TMTC1: variants seen among roughly 807,000 people sequenced by gnomAD.
The protein encoded by TMTC1 is transmembrane O-mannosyltransferase targeting cadherins 1.
Under a neutral mutation model 104.8 loss-of-function variants are expected in TMTC1, and 73 were observed. That is an observed-to-expected ratio of 0.70 (90% confidence interval 0.58 to 0.85). TMTC1 has a LOEUF of 0.85. Among genes scored for constraint, TMTC1 ranks in the 40% least tolerant of loss-of-function variants. The pLI is 0.00. For synonymous variants in TMTC1, 434 were observed against 428.7 expected, an observed-to-expected ratio of 1.01 and a Z score of -0.15; for missense variants, 1,035 against 1,096.1, an observed-to-expected ratio of 0.94 and a Z score of 0.79.
At chr12:29,743,418 C>T (rs548776449) in intron 5 of TMTC1, among the ~76,000 whole-genome samples, 1 of 152,076 alleles carries the variant, frequency 6.6e-6, no homozygotes, top group Non-Finnish European at 1.5e-5. Flanking sequence ...AATCATCATG[C>T]TTGCTTCTGA....
chr12:29,515,111 G>A (rs953241184), intron 15 of TMTC1, among the ~76,000 whole-genome samples: 3 of 152,076 alleles, frequency 2.0e-5, no homozygotes, highest in Non-Finnish European at 2.9e-5. Context: ...CCCACGTATC[G>A]ATGAGTGGCA....
chr12:29,549,148 A>T lies in TMTC1; in HGVS notation c.1676+7709T>A, dbSNP rs551754365. On this transcript the variant is annotated intron_variant, in intron 10 of 17. Coordinates refer to ENST00000539277, the MANE Select transcript of TMTC1 (RefSeq NM_001193451.2). ...TAATAACCCATACCTGTAAACAAAC[A>T]AGTATCCACCCACAGTAAATGGATA... is the stretch of plus-strand genomic sequence containing the variant. Among the ~76,000 whole-genome samples the T allele has an allele frequency of 4.6e-5, 7 of 151,104 alleles. No individual in the cohort carries two copies. In the East Asian group the frequency reaches 1.4e-3, roughly 29 times the overall value.
At chr12:29,717,587 T>C (rs1942120333) in intron 5 of TMTC1, among the ~76,000 whole-genome samples, 1 of 152,212 alleles carries the variant, frequency 6.6e-6, no homozygotes, top group African/African-American at 2.4e-5. Flanking sequence ...AACTAATCAT[T>C]AGCTTAACAA....
At chr12:29,523,480 G>C (rs941185387) in intron 11 of TMTC1, among the ~76,000 whole-genome samples, 2 of 152,180 alleles carry the variant, frequency 1.3e-5, no homozygotes, top group African/African-American at 4.8e-5. Context: ...GTCTGTTTAT[G>C]CATCCAGTTA....
At chr12:29,687,548 C>A (rs534887689) in intron 5 of TMTC1, among the ~76,000 whole-genome samples, 1 of 148,580 alleles carries the variant, frequency 6.7e-6, no homozygotes, top group African/African-American at 2.4e-5. Context: ...ATTAAAACAA[C>A]GGACACAGTC....
At chr12:29,538,171 C>T (rs1944696343) in intron 10 of TMTC1, among the ~76,000 whole-genome samples, 1 of 152,134 alleles carries the variant, frequency 6.6e-6, no homozygotes, top group South Asian at 2.1e-4. Flanking sequence ...TGTATTACAG[C>T]TCGCTTAGTG....
At chr12:29,586,119 C>T (rs1946126809) in intron 7 of TMTC1, among the ~76,000 whole-genome samples, 1 of 152,102 alleles carries the variant, frequency 6.6e-6, no homozygotes, top group African/African-American at 2.4e-5. Flanking sequence ...TTTCATTGAG[C>T]AGTGGTTTGT....
chr12:29,548,927 TA>T (rs1307999727), intron 10 of TMTC1, among the ~76,000 whole-genome samples: 3 of 143,318 alleles, frequency 2.1e-5, no homozygotes, highest in Non-Finnish European at 4.5e-5. Context: ...ACATATTATA[TA>T]ATATGTAAAT....
chr12:29,740,657 CCTGA>C (rs1227535344), intron 5 of TMTC1, among the ~76,000 whole-genome samples: 1 of 152,008 alleles, frequency 6.6e-6, no homozygotes, highest in Non-Finnish European at 1.5e-5. Context: ...CTAAGAGAAC[CCTGA>C]CTAACACAGG....
chr12:29,721,950 T>C (rs1471805791), intron 5 of TMTC1, among the ~76,000 whole-genome samples: 1 of 152,158 alleles, frequency 6.6e-6, no homozygotes, highest in African/African-American at 2.4e-5. Context: ...AGGGGTTTTG[T>C]TTTTCAGTTC....
chr12:29,766,623 G>A (rs372844089), intron 2 of TMTC1, among the ~76,000 whole-genome samples: 1 of 152,122 alleles, frequency 6.6e-6, no homozygotes, highest in Non-Finnish European at 1.5e-5. Flanking sequence ...GTGTACACAA[G>A]GTATTCCTTA....
chr12:29,643,790 T>C (rs1162508061), intron 5 of TMTC1, among the ~76,000 whole-genome samples: 1 of 80,522 alleles, frequency 1.2e-5, no homozygotes, highest in Admixed American at 2.5e-4. Flanking sequence ...TTTATATATA[T>C]TTATATACAT....
At chr12:29,529,742 T>A (rs544174333) in intron 11 of TMTC1, 1 of 152,230 alleles carries the variant, frequency 6.6e-6, no homozygotes, top group Admixed American at 6.5e-5. Flanking sequence ...ATGAGAAACA[T>A]GCTATCAATA....
chr12:29,516,273 A>C (rs769856324), intron 15 of TMTC1, 76 bp downstream of exon 15: 182 of 1,514,614 alleles, frequency 1.2e-4, no homozygotes, highest in Non-Finnish European at 1.4e-4. Flanking sequence ...ATAAACACGC[A>C]AACTGGAGAA....
chr12:29,633,038 A>G, intron 6 of TMTC1, 109 bp downstream of exon 6: 2 of 1,011,262 alleles, frequency 2.0e-6, no homozygotes, highest in Non-Finnish European at 2.8e-6. Flanking sequence ...TACATAGACA[A>G]GGAGAGGAGA....
At chr12:29,639,305 C>T (rs1938718048) in intron 5 of TMTC1, among the ~76,000 whole-genome samples, 1 of 152,098 alleles carries the variant, frequency 6.6e-6, no homozygotes, top group African/African-American at 2.4e-5. Flanking sequence ...CCTAGAATCT[C>T]CACAGAATTT....
intron 5 of TMTC1, among the ~76,000 whole-genome samples, chr12:29,701,962 G>T (rs183649441): frequency 9.2e-5 from 14 of 152,264 alleles, no homozygotes; most frequent in African/African-American, 3.4e-4. Context: ...TTGAAGATGT[G>T]TTTCCCTAAT....
At chr12:29,655,171 G>A (rs1322987808) in intron 5 of TMTC1, among the ~76,000 whole-genome samples, 9 of 152,052 alleles carry the variant, frequency 5.9e-5, no homozygotes, top group African/African-American at 1.9e-4. Flanking sequence ...GTGAGCCACC[G>A]CACCTGGCCA....
At chr12:29,604,434 C>A in intron 6 of TMTC1, 135 bp from the exon 7 acceptor site, 5 of 1,221,730 alleles carry the variant, frequency 4.1e-6, no homozygotes, top group Middle Eastern at 2.8e-4. Context: ...TTTTGACCGG[C>A]GTGCTGAATT....
Sources: allele counts gnomAD v4.1 joint callset (sites outside exome capture counted in the v4.1 genomes callset), GRCh38; gene constraint gnomAD v4.1.1; transcripts MANE v1.5; gene names NCBI Gene and HGNC (gene_info 2026-07-23, HGNC 2026-07-21).